Variants in ERBB4 observed in about 807,000 individuals in gnomAD.
ERBB4 encodes the protein receptor tyrosine-protein kinase erbB-4.
ERBB4 carries 42 observed loss-of-function variants against 158.0 expected under a neutral mutation model. The ratio of observed to expected loss-of-function variants is 0.27; its 90% confidence interval spans 0.21 to 0.34. ERBB4 has a LOEUF of 0.34. ERBB4 is among the 10% of genes least tolerant of loss of function. The probability of loss-of-function intolerance (pLI) is 1.00; values close to 1 mark genes in which losing one functional copy is unlikely to be tolerated. For missense variants in ERBB4, 1,333 were observed against 1,624.1 expected (o/e 0.82, Z 3.08); for synonymous variants, 583 against 558.7 (o/e 1.04, Z -0.61).
At chr2:212,243,603 A>C (rs2084198031) in intron 1 of ERBB4, among the ~76,000 whole-genome samples, 1 of 152,136 alleles carries the variant, frequency 6.6e-6, no homozygotes, top group Admixed American at 6.5e-5. Context: ...GTAGGATAGG[A>C]CTTATATAAT....
chr2:211,862,659 T>G (rs1174200548), intron 3 of ERBB4, among the ~76,000 whole-genome samples: 3 of 152,208 alleles, frequency 2.0e-5, no homozygotes, highest in African/African-American at 7.2e-5. Context: ...GTAAAGATAC[T>G]TTGCTCAAAG....
chr2:211,771,543 T>G (rs1235160218), intron 4 of ERBB4, among the ~76,000 whole-genome samples: 1 of 152,206 alleles, frequency 6.6e-6, no homozygotes, highest in Non-Finnish European at 1.5e-5. Context: ...TGTGGAAAAC[T>G]TGAATGCAAA....
intron 1 of ERBB4, among the ~76,000 whole-genome samples, chr2:212,529,627 T>C (rs1692639848): frequency 6.6e-6 from 1 of 152,318 alleles, no homozygotes; most frequent in Non-Finnish European, 1.5e-5. Flanking sequence ...AAATGTATGC[T>C]ATTCATTCAT....
At chr2:212,338,705 C>G (rs2088564774) in intron 1 of ERBB4, among the ~76,000 whole-genome samples, 1 of 152,004 alleles carries the variant, frequency 6.6e-6, no homozygotes, top group African/African-American at 2.4e-5. Context: ...GAGTCATGTC[C>G]CTCTCCTCCA....
chr2:212,178,825 T>C (rs190797074), intron 1 of ERBB4, among the ~76,000 whole-genome samples: 1 of 151,614 alleles, frequency 6.6e-6, no homozygotes, highest in African/African-American at 2.4e-5. Flanking sequence ...TTACAATAAT[T>C]TAAAAATACA....
intron 2 of ERBB4, among the ~76,000 whole-genome samples, chr2:212,076,932 T>C (rs2078292444): frequency 6.6e-6 from 1 of 151,944 alleles, no homozygotes; most frequent in Non-Finnish European, 1.5e-5. Context: ...TTTACATTAG[T>C]TCTATTGTTT....
chr2:211,647,926 T>G (rs2070834301), intron 16 of ERBB4, among the ~76,000 whole-genome samples: 2 of 151,744 alleles, frequency 1.3e-5, no homozygotes, highest in South Asian at 4.1e-4. Flanking sequence ...CTGTCTCAAT[T>G]TCCTTTGCCG....
intron 1 of ERBB4, among the ~76,000 whole-genome samples, chr2:212,290,550 G>A (rs1036554220): frequency 1.3e-5 from 2 of 152,178 alleles, no homozygotes; most frequent in Non-Finnish European, 2.9e-5. Context: ...TAGCTAATTA[G>A]TGAAAGAGTT....
At chr2:211,734,173 CAAT>C (rs1369824102) in intron 5 of ERBB4, among the ~76,000 whole-genome samples, 2 of 151,666 alleles carry the variant, frequency 1.3e-5, no homozygotes, top group Non-Finnish European at 2.9e-5. Flanking sequence ...TCTGTTGAAA[CAAT>C]AAATACCATC....
intron 19 of ERBB4, among the ~76,000 whole-genome samples, chr2:211,562,470 A>C (rs1171910830): frequency 6.6e-6 from 1 of 152,192 alleles, no homozygotes; most frequent in Non-Finnish European, 1.5e-5. Flanking sequence ...TAATGTATAC[A>C]AATTTAGTTA....
intron 1 of ERBB4, among the ~76,000 whole-genome samples, chr2:212,224,047 G>T (rs1463006075): frequency 3.3e-5 from 5 of 151,778 alleles, no homozygotes; most frequent in African/African-American, 9.7e-5. Context: ...ATGCATATAA[G>T]CATTATCTGA....
intron 3 of ERBB4, among the ~76,000 whole-genome samples, chr2:211,917,428 A>T (rs904647865): frequency 6.6e-6 from 1 of 152,168 alleles, no homozygotes; most frequent in Non-Finnish European, 1.5e-5. Context: ...GTGTGCAAGC[A>T]CTGTTAGAGA....
chr2:212,321,729 C>T (rs986429046), intron 1 of ERBB4, among the ~76,000 whole-genome samples: 1 of 149,934 alleles, frequency 6.7e-6, no homozygotes, highest in African/African-American at 2.4e-5. Context: ...CACAACAAAA[C>T]CTGTATCTTT....
At chr2:211,997,036 G>C (rs1248372219) in intron 2 of ERBB4, among the ~76,000 whole-genome samples, 1 of 152,172 alleles carries the variant, frequency 6.6e-6, no homozygotes, top group African/African-American at 2.4e-5. Flanking sequence ...AAGGATAACA[G>C]CAGAAATAGA....
rs975230716 is a variant in ERBB4, at chr2:212,229,373, T to C, written c.83-104470A>G. 3.3e-5 allele frequency among the ~76,000 whole-genome samples: 5 copies of C among 152,186 alleles called. No homozygotes were observed. The South Asian group carries it at 6.2e-4, about 19-fold the overall frequency. The stretch of plus-strand genomic sequence containing the variant: ...GCTGAGAAATGGTTGGGGATATTTG[T>C]TGCTGATGGGCAATGGTGCTCTAGG... On this transcript the variant is annotated intron_variant, in intron 1 of 27. Transcript: ENST00000342788.
chr2:212,063,205 A>G (rs1044110670), intron 2 of ERBB4, among the ~76,000 whole-genome samples: 1 of 152,216 alleles, frequency 6.6e-6, no homozygotes, highest in African/African-American at 2.4e-5. Context: ...AAAGAGTAAT[A>G]AAATGATCTA....
intron 1 of ERBB4, among the ~76,000 whole-genome samples, chr2:212,300,031 T>C (rs2086560721): frequency 6.6e-6 from 1 of 151,524 alleles, no homozygotes; most frequent in Non-Finnish European, 1.5e-5. Flanking sequence ...GTTACCTAAA[T>C]CATTGAAGCA....
chr2:212,058,279 G>A (rs964777979), intron 2 of ERBB4, among the ~76,000 whole-genome samples: 6 of 152,306 alleles, frequency 3.9e-5, no homozygotes, highest in Admixed American at 3.3e-4. Context: ...AACAGGCTCT[G>A]AAATTGTGGC....
chr2:211,958,199 T>C (rs1003376704), intron 2 of ERBB4, among the ~76,000 whole-genome samples: 1 of 152,144 alleles, frequency 6.6e-6, no homozygotes, highest in South Asian at 2.1e-4. Flanking sequence ...ATATTTGCTT[T>C]AGTCATCTCC....
Sources: allele counts gnomAD v4.1 joint callset (sites outside exome capture counted in the v4.1 genomes callset), GRCh38; gene constraint gnomAD v4.1.1; transcripts MANE v1.5; gene names NCBI Gene and HGNC (gene_info 2026-07-23, HGNC 2026-07-21).